Variants in NARS2 observed in about 807,000 individuals in gnomAD.
NARS2 encodes asparaginyl-tRNA synthetase.
In NARS2, 60 loss-of-function variants were observed where a neutral mutation model predicts 62.9. That is an observed-to-expected ratio of 0.95 (90% CI 0.77 to 1.18). The LOEUF (loss-of-function observed/expected upper bound fraction) is 1.18. Ranked by LOEUF, NARS2 falls within the 50% of genes most tolerant of loss-of-function variation. The pLI is 0.00. For missense variants in NARS2, 619 were observed against 576.4 expected (o/e 1.07, Z -0.76); for synonymous variants, 196 against 200.0 (o/e 0.98, Z 0.17).
At chr11:78,554,224 T>C (rs1166670445) in intron 5 of NARS2, among the ~76,000 whole-genome samples, 1 of 152,124 alleles carries the variant, frequency 6.6e-6, no homozygotes, top group African/African-American at 2.4e-5. Flanking sequence ...GGCTCTTGGC[T>C]ATCTGGGCTA....
intron 7 of NARS2, among the ~76,000 whole-genome samples, chr11:78,484,918 T>C (rs1415448961): frequency 6.6e-6 from 1 of 152,222 alleles, no homozygotes. Flanking sequence ...TTCTACTTTA[T>C]AAAGACACAT....
chr11:78,476,302 G>A (rs567396563), intron 9 of NARS2, among the ~76,000 whole-genome samples: 7 of 152,326 alleles, frequency 4.6e-5, no homozygotes, highest in African/African-American at 1.7e-4. Context: ...ACCCCTGGTA[G>A]TCTAGGCCTT....
At chr11:78,507,486 A>G (rs1452634472) in intron 6 of NARS2, among the ~76,000 whole-genome samples, 1 of 151,376 alleles carries the variant, frequency 6.6e-6, no homozygotes, top group Non-Finnish European at 1.5e-5. Flanking sequence ...TTCTCACATG[A>G]TTAGATACAG....
intron 4 of NARS2, among the ~76,000 whole-genome samples, chr11:78,560,316 CCCAAATGGAGCTCTT>C (rs1856514354): frequency 6.6e-6 from 1 of 152,132 alleles, no homozygotes; most frequent in Admixed American, 6.5e-5. Flanking sequence ...TACCGAGGTC[CCCAAATGGAGCTCTT>C]CCGAACAAAA....
intron 5 of NARS2, among the ~76,000 whole-genome samples, chr11:78,538,873 T>C (rs944457208): frequency 2.7e-5 from 4 of 150,494 alleles, no homozygotes; most frequent in African/African-American, 4.9e-5. Context: ...CGGGCGCCTG[T>C]AGTCCCAGCT....
intron 11 of NARS2, among the ~76,000 whole-genome samples, chr11:78,462,166 T>C (rs1485260936): frequency 6.6e-6 from 1 of 152,106 alleles, no homozygotes; most frequent in East Asian, 1.9e-4. Flanking sequence ...CTAGGGAAAT[T>C]AAATGAGAAA....
chr11:78,563,849 A>C (rs868198521), intron 4 of NARS2, among the ~76,000 whole-genome samples: 5 of 54,676 alleles, frequency 9.1e-5, no homozygotes, highest in African/African-American at 4.4e-4. Context: ...AAAAAAAAAA[A>C]AAATATATAT....
At chr11:78,478,074 T>C (rs1859180535) in intron 9 of NARS2, among the ~76,000 whole-genome samples, 1 of 152,168 alleles carries the variant, frequency 6.6e-6, no homozygotes, top group Non-Finnish European at 1.5e-5. Flanking sequence ...TGTTGTAACC[T>C]ACACTGAGCA....
At chr11:78,550,087 G>A (rs1856040975) in intron 5 of NARS2, among the ~76,000 whole-genome samples, 1 of 152,206 alleles carries the variant, frequency 6.6e-6, no homozygotes, top group South Asian at 2.1e-4. Flanking sequence ...GCATAGTGCA[G>A]TAATGGAGTC....
intron 11 of NARS2, among the ~76,000 whole-genome samples, chr11:78,460,695 T>C (rs374167264): frequency 5.2e-4 from 79 of 152,316 alleles, no homozygotes; most frequent in African/African-American, 1.7e-3. Flanking sequence ...AGATCAAATT[T>C]GCTGGGAGGA....
At chr11:78,491,217 G>C (rs1565233598) in intron 7 of NARS2, among the ~76,000 whole-genome samples, 2 of 152,204 alleles carry the variant, frequency 1.3e-5, no homozygotes, top group Non-Finnish European at 2.9e-5. Context: ...TGCACTTTAG[G>C]TTGTTGAACA....
chr11:78,507,691 T>A (rs1860557642), intron 6 of NARS2, among the ~76,000 whole-genome samples: 1 of 152,048 alleles, frequency 6.6e-6, no homozygotes, highest in South Asian at 2.1e-4. Flanking sequence ...GGCTAATTTT[T>A]TGTATTTTTA....
chr11:78,574,346 A>C lies in NARS2; in HGVS notation c.141+2T>G. ...AAACCCACTCCCTTCCCATTCACCA[A>C]CCTGGATCTTAATGCGCTCCCCACT... On this transcript the variant is annotated splice_donor_variant, in intron 1 of 13. Transcript: ENST00000281038. LOFTEE classifies it high-confidence loss of function. 1 of 1,614,120 alleles carries C rather than the reference A, an allele frequency of 6.2e-7. No homozygotes were observed. The highest frequency in any genetic ancestry group is 8.5e-7 in the Non-Finnish European group (1 of 1,180,022).
rs1314013804 is a variant in NARS2 at position 78,574,479 on chromosome 11, C to A, written c.10G>T (p.Val4Phe). 6.2e-7 allele frequency: 1 copy of A among 1,611,300 alleles called. No individual in the cohort carries two copies. Among genetic ancestry groups the A allele is most frequent in the South Asian group, 1.1e-5 (1 of 90,978 alleles). ...CGCACGGACCGCAGCAGGCAGCGGA[C>A]CCCCAGCATCCCGCGTCCGCCCAGG... MLG[V>F]RCLLRSVRFC... The change falls in exon 1 of 14, where the codon GTC (valine) becomes TTC (phenylalanine). Residue 4 changes from valine (V) to phenylalanine (F), a missense_variant. Val to Phe is a conservative substitution (Grantham distance 50). Transcript: ENST00000281038.
chr11:78,440,974 T>A (rs1565200077), intron 13 of NARS2, 117 bp downstream of exon 13: 1 of 887,864 alleles, frequency 1.1e-6, no homozygotes, highest in South Asian at 1.6e-5. Flanking sequence ...CTAAGAACAG[T>A]TAAGTTCATT....
At chr11:78,574,226 C>T in intron 1 of NARS2, 122 bp downstream of exon 1, 1 of 1,300,366 alleles carries the variant, frequency 7.7e-7, no homozygotes, top group South Asian at 1.2e-5. Context: ...GCGACGCCTA[C>T]ACTTTCTAAC....
intron 11 of NARS2, among the ~76,000 whole-genome samples, chr11:78,453,261 T>A (rs773657812): frequency 4.6e-5 from 7 of 152,200 alleles, no homozygotes; most frequent in Non-Finnish European, 7.4e-5. Flanking sequence ...AGGCCCAGAA[T>A]GCTCTCTGAC....
intron 6 of NARS2, 103 bp from the exon 7 acceptor site, chr11:78,493,298 C>T: frequency 9.6e-7 from 1 of 1,046,472 alleles, no homozygotes; most frequent in Non-Finnish European, 1.4e-6. Flanking sequence ...TTGTGTGCCT[C>T]TGTCTTGTCC....
At chr11:78,570,523 G>GTGC in intron 2 of NARS2, among the ~76,000 whole-genome samples, 1 of 152,286 alleles carries the variant, frequency 6.6e-6, no homozygotes, top group African/African-American at 2.4e-5. Flanking sequence ...GAGTAGTGGA[G>GTGC]ATTATTGGTG....
Sources: gnomAD v4.1 joint callset for allele counts (sites outside exome capture counted in the v4.1 genomes callset) on GRCh38, gnomAD v4.1.1 for gene constraint, MANE v1.5 for transcripts, NCBI Gene and HGNC (gene_info 2026-07-23, HGNC 2026-07-21) for gene names.